Variants in PTPN4 observed in about 807,000 individuals in gnomAD.
PTPN4 encodes tyrosine-protein phosphatase non-receptor type 4.
PTPN4 carries 49 observed loss-of-function variants against 135.5 expected under a neutral mutation model. The ratio of observed to expected loss-of-function variants is 0.36; its 90% confidence interval spans 0.29 to 0.46. The LOEUF (loss-of-function observed/expected upper bound fraction) is 0.46. PTPN4 is among the 20% of genes least tolerant of loss of function. PTPN4 has a pLI of 1.00. For missense variants in PTPN4, 860 were observed against 1,101.0 expected, an observed-to-expected ratio of 0.78 and a Z score of 3.10; for synonymous variants, 333 against 369.9, an observed-to-expected ratio of 0.90 and a Z score of 1.14.
chr2:119,876,896 C>CGTGTGT (rs1558751874), intron 3 of PTPN4, among the ~76,000 whole-genome samples: 2 of 96,424 alleles, frequency 2.1e-5, no homozygotes, highest in East Asian at 3.7e-4. Flanking sequence ...AGCCCAAGAG[C>CGTGTGT]ATGTGTGTGT....
At chr2:119,792,614 A>T (rs955262578) in intron 1 of PTPN4, among the ~76,000 whole-genome samples, 2 of 152,266 alleles carry the variant, frequency 1.3e-5, no homozygotes, top group African/African-American at 4.8e-5. Context: ...TTACCAAAGT[A>T]TGAATTTTGC....
chr2:119,795,294 T>G (rs1691232428), intron 1 of PTPN4, among the ~76,000 whole-genome samples: 1 of 152,182 alleles, frequency 6.6e-6, no homozygotes, highest in Non-Finnish European at 1.5e-5. Flanking sequence ...CTCTGTGGCT[T>G]GAAGGTGGGG....
At chr2:119,761,382 C>G (rs1690496787) in intron 1 of PTPN4, among the ~76,000 whole-genome samples, 1 of 151,914 alleles carries the variant, frequency 6.6e-6, no homozygotes, top group Non-Finnish European at 1.5e-5. Flanking sequence ...AAGGAGATGG[C>G]CTTAAAATAA....
At chr2:119,918,688 A>G (rs1208278795) in intron 11 of PTPN4, among the ~76,000 whole-genome samples, 1 of 152,176 alleles carries the variant, frequency 6.6e-6, no homozygotes, top group Non-Finnish European at 1.5e-5. Flanking sequence ...CATTTTGGAA[A>G]ACTGTTGGGC....
intron 3 of PTPN4, among the ~76,000 whole-genome samples, chr2:119,872,559 T>A (rs1677928311): frequency 6.6e-6 from 1 of 152,174 alleles, no homozygotes; most frequent in Non-Finnish European, 1.5e-5. Context: ...CCTACCCCTC[T>A]TACCTTCACA....
intron 25 of PTPN4, among the ~76,000 whole-genome samples, chr2:119,966,042 G>T (rs1679440693): frequency 6.6e-6 from 1 of 152,208 alleles, no homozygotes; most frequent in Non-Finnish European, 1.5e-5. Context: ...ATGCTGGGAA[G>T]TTCAAGATCA....
chr2:119,872,358 G>C (rs1033478871), intron 3 of PTPN4, among the ~76,000 whole-genome samples: 1 of 152,100 alleles, frequency 6.6e-6, no homozygotes, highest in Non-Finnish European at 1.5e-5. Context: ...ATATCACAAT[G>C]TATACAGCTA....
intron 2 of PTPN4, among the ~76,000 whole-genome samples, chr2:119,845,072 G>A (rs1398312425): frequency 0.022 from 3,264 of 149,198 alleles, 105 homozygotes; most frequent in African/African-American, 0.073. Flanking sequence ...CCAACACAGC[G>A]AAACCCCGTC....
At chr2:119,927,558 A>G (rs72838997) in intron 13 of PTPN4, among the ~76,000 whole-genome samples, 3,170 of 152,334 alleles carry the variant, frequency 0.021, 60 homozygotes, top group Non-Finnish European at 0.033. Context: ...CCAAGTGAAA[A>G]TAATAAAGGC....
intron 8 of PTPN4, 135 bp from the exon 9 acceptor site, chr2:119,885,660 G>A (rs377280273): frequency 1.3e-4 from 67 of 498,288 alleles, no homozygotes; most frequent in African/African-American, 1.3e-3. Flanking sequence ...TAAGTTAGAG[G>A]AGTAGTCCTG....
intron 2 of PTPN4, among the ~76,000 whole-genome samples, chr2:119,836,343 C>A (rs946408116): frequency 3.9e-5 from 6 of 152,346 alleles, no homozygotes; most frequent in African/African-American, 1.4e-4. Flanking sequence ...AACTCTGGAA[C>A]TGCTGATCAG....
In PTPN4 at chr2:119,924,136, CAAAA is replaced by C. The variant is rs35572826; in HGVS notation, c.1002-2445_1002-2442del. ...TGGGCGACAGAGTGAGACTCCGTCT[CAAAA>C]AAAAAAAAAAAAAAAAGCAAGGGAC... On this transcript the variant is annotated intron_variant, in intron 12 of 26. Transcript: ENST00000263708. Among the ~76,000 whole-genome samples, 7 of 77,264 alleles carry C rather than the reference CAAAA, an allele frequency of 9.1e-5. No individual in the cohort carries two copies. The South Asian group carries it at 2.8e-3, about 31-fold the overall frequency. 50.7% of individuals were successfully genotyped at this position (77,264 alleles called of 152,430 possible). A position where few individuals can be genotyped will look rare whatever the true frequency, so the allele number is the denominator to read the frequency against.
At chr2:119,934,043 CTAAT>C (rs1344122522) in intron 14 of PTPN4, among the ~76,000 whole-genome samples, 2 of 152,074 alleles carry the variant, frequency 1.3e-5, no homozygotes, top group Non-Finnish European at 2.9e-5. Flanking sequence ...ACTCAAGTAA[CTAAT>C]TAACAGTAGC....
At chr2:119,830,674 G>A (rs1677206339) in intron 2 of PTPN4, among the ~76,000 whole-genome samples, 1 of 152,032 alleles carries the variant, frequency 6.6e-6, no homozygotes, top group Non-Finnish European at 1.5e-5. Flanking sequence ...CACCATGTTG[G>A]CCAAGCTGGT....
In PTPN4 at chr2:119,955,325, TA is replaced by T; in HGVS notation, c.1980+4del. On this transcript the variant is annotated splice_donor_region_variant and intron_variant, in intron 20 of 26. Coordinates refer to ENST00000263708, the MANE Select transcript of PTPN4 (RefSeq NM_002830.4). Reference sequence around the variant, plus strand: ...GGAACAGTCCTGACACAGTTTGATGTAAGTAATATCATTATATATTAAAAGC... The same window carrying T: ...GGAACAGTCCTGACACAGTTTGATGTAGTAATATCATTATATATTAAAAGC... 1 of 1,568,072 alleles carries T rather than the reference TA, an allele frequency of 6.4e-7. No homozygotes were observed. Among genetic ancestry groups the T allele is most frequent in the African/African-American group, 1.4e-5 (1 of 72,564 alleles).
chr2:119,973,280 T>G (rs1161460911), intron 26 of PTPN4, among the ~76,000 whole-genome samples: 2 of 152,198 alleles, frequency 1.3e-5, no homozygotes, highest in Admixed American at 1.3e-4. Context: ...CTGACTGGCT[T>G]ATTTCACTTA....
intron 2 of PTPN4, among the ~76,000 whole-genome samples, chr2:119,854,004 G>T (rs1677635453): frequency 6.6e-6 from 1 of 151,896 alleles, no homozygotes; most frequent in South Asian, 2.1e-4. Flanking sequence ...GAACGAAGAG[G>T]AAAACCCTGA....
At chr2:119,943,580 CTTTTTTT>C (rs70949374) in intron 15 of PTPN4, among the ~76,000 whole-genome samples, 14 of 79,918 alleles carry the variant, frequency 1.8e-4, no homozygotes, top group Non-Finnish European at 2.9e-4. Flanking sequence ...TCATTTTTTT[CTTTTTTT>C]TTTTTTTTTT....
chr2:119,834,949 T>C (rs570126024), intron 2 of PTPN4, among the ~76,000 whole-genome samples: 2 of 152,348 alleles, frequency 1.3e-5, no homozygotes, highest in Admixed American at 6.5e-5. Context: ...TACTTAGAGC[T>C]CTTATCCTGT....
Sources: allele counts gnomAD v4.1 joint callset (sites outside exome capture counted in the v4.1 genomes callset), GRCh38; gene constraint gnomAD v4.1.1; transcripts MANE v1.5; gene names NCBI Gene and HGNC (gene_info 2026-07-23, HGNC 2026-07-21).